ERBB4: variants seen among roughly 807,000 people sequenced by gnomAD.
ERBB4 encodes receptor tyrosine-protein kinase erbB-4.
Under a neutral mutation model 158.0 loss-of-function variants are expected in ERBB4, and 42 were observed. The observed-to-expected ratio is 0.27, with a 90% CI of 0.21 to 0.34. The LOEUF is 0.34. Ranked by LOEUF, ERBB4 falls within the 10% of genes least tolerant of loss-of-function variation. The pLI, the probability that ERBB4 is intolerant of heterozygous loss-of-function variation, is 1.00. For synonymous variants in ERBB4, 583 were observed against 558.7 expected (o/e 1.04, Z -0.61); for missense variants, 1,333 against 1,624.1 (o/e 0.82, Z 3.08).
At chr2:211,453,159 A>T (rs2064291528) in intron 20 of ERBB4, among the ~76,000 whole-genome samples, 1 of 152,238 alleles carries the variant, frequency 6.6e-6, no homozygotes, top group Non-Finnish European at 1.5e-5. Flanking sequence ...TAATGCTTTC[A>T]GCAATGAAAT....
At chr2:211,395,217 T>G (rs1300927527) in intron 25 of ERBB4, among the ~76,000 whole-genome samples, 1 of 152,126 alleles carries the variant, frequency 6.6e-6, no homozygotes, top group Non-Finnish European at 1.5e-5. Flanking sequence ...CAGTATATGA[T>G]TGTATGTTTT....
intron 25 of ERBB4, among the ~76,000 whole-genome samples, chr2:211,392,946 C>T (rs1003231662): frequency 5.9e-5 from 9 of 152,108 alleles, no homozygotes; most frequent in Non-Finnish European, 8.8e-5. Context: ...TGAGCCACCG[C>T]GCCCGGCTGG....
At position 211,831,852 on chromosome 2, in the gene ERBB4, G is replaced by A. The variant is rs1019210038; in HGVS notation, c.422-43693C>T. Among the ~76,000 whole-genome samples the A allele has an allele frequency of 5.3e-5, 8 of 152,038 alleles. No homozygotes were observed. The South Asian group carries it at 1.0e-3, about 20-fold the overall frequency. On this transcript the variant is annotated intron_variant, in intron 3 of 27. Coordinates refer to ENST00000342788, the MANE Select transcript of ERBB4 (RefSeq NM_005235.3). The stretch of plus-strand genomic sequence containing the variant: ...TGGGAGGCAGAGGTTGCAGTGAGCC[G>A]AGGTCGCGCCATTGCACTCCAACCT...
intron 1 of ERBB4, among the ~76,000 whole-genome samples, chr2:212,227,990 G>A (rs2083531945): frequency 6.6e-6 from 1 of 152,092 alleles, no homozygotes; most frequent in African/African-American, 2.4e-5. Context: ...GAGCTTAAAG[G>A]GCATGTCGCA....
intron 2 of ERBB4, among the ~76,000 whole-genome samples, chr2:212,069,021 T>C (rs1390118579): frequency 1.3e-5 from 2 of 152,082 alleles, no homozygotes; most frequent in East Asian, 3.9e-4. Context: ...CACTTTGCTC[T>C]TTCTTCATCT....
At chr2:212,060,977 A>ATAAAT (rs1252408293) in intron 2 of ERBB4, among the ~76,000 whole-genome samples, 2 of 151,110 alleles carry the variant, frequency 1.3e-5, no homozygotes, top group African/African-American at 4.9e-5. Context: ...AAATAAATAA[A>ATAAAT]TAAATAAATA....
chr2:211,973,845 T>C (rs12621051), intron 2 of ERBB4, among the ~76,000 whole-genome samples: 37,241 of 151,918 alleles, frequency 0.25, 4,850 homozygotes, highest in East Asian at 0.39. Flanking sequence ...TGCCCATCAA[T>C]AATAGACTGG....
At chr2:212,377,103 C>A (rs1326978534) in intron 1 of ERBB4, among the ~76,000 whole-genome samples, 1 of 151,350 alleles carries the variant, frequency 6.6e-6, no homozygotes, top group Non-Finnish European at 1.5e-5. Flanking sequence ...CTGCTTAAGG[C>A]ACCTTGTAAT....
chr2:211,578,166 A>G (rs545740776), intron 19 of ERBB4, among the ~76,000 whole-genome samples: 2 of 152,266 alleles, frequency 1.3e-5, no homozygotes, highest in East Asian at 3.9e-4. Context: ...ACAACAGGCA[A>G]GCAGAGAGCC....
intron 1 of ERBB4, among the ~76,000 whole-genome samples, chr2:212,243,800 C>G (rs1166112356): frequency 6.6e-6 from 1 of 151,878 alleles, no homozygotes. Flanking sequence ...GCCAGATTCC[C>G]CAATTCAAAC....
At chr2:212,386,008 A>G (rs2090661192) in intron 1 of ERBB4, among the ~76,000 whole-genome samples, 1 of 151,788 alleles carries the variant, frequency 6.6e-6, no homozygotes, top group African/African-American at 2.4e-5. Context: ...TAAGACAATC[A>G]GTCTCTATCT....
intron 4 of ERBB4, among the ~76,000 whole-genome samples, chr2:211,773,629 T>TATATATATATATATA (rs2075785090): frequency 5.9e-5 from 3 of 51,078 alleles, no homozygotes; most frequent in Non-Finnish European, 1.2e-4. Context: ...TATATATATA[T>TATATATATATATATA]ATATATATAT....
intron 1 of ERBB4, among the ~76,000 whole-genome samples, chr2:212,313,601 C>A (rs969481818): frequency 1.3e-5 from 2 of 150,852 alleles, no homozygotes; most frequent in South Asian, 2.1e-4. Flanking sequence ...TAATTCAATG[C>A]TATGCTCGTC....
intron 20 of ERBB4, among the ~76,000 whole-genome samples, chr2:211,460,765 A>T (rs1475633336): frequency 1.3e-5 from 2 of 152,176 alleles, no homozygotes; most frequent in African/African-American, 4.8e-5. Context: ...ATTAAAAAAA[A>T]ATCAATGTTT....
At chr2:212,354,505 A>G (rs1303212666) in intron 1 of ERBB4, among the ~76,000 whole-genome samples, 3 of 152,198 alleles carry the variant, frequency 2.0e-5, no homozygotes, top group Non-Finnish European at 2.9e-5. Context: ...AGGTGTACAC[A>G]TAAAGTCCAT....
intron 3 of ERBB4, among the ~76,000 whole-genome samples, chr2:211,839,152 AAGG>A (rs71409858): frequency 0.2 from 22,387 of 109,360 alleles, 2,643 homozygotes; most frequent in East Asian, 0.32. Flanking sequence ...GGAGAGAGAG[AAGG>A]AGGAGGAGGA....
intron 20 of ERBB4, among the ~76,000 whole-genome samples, chr2:211,433,861 C>T (rs902768352): frequency 1.3e-5 from 2 of 152,086 alleles, no homozygotes; most frequent in African/African-American, 2.4e-5. Context: ...AAGGGCAATC[C>T]GACCCCATTT....
At chr2:212,032,476 T>G (rs1024793790) in intron 2 of ERBB4, among the ~76,000 whole-genome samples, 2 of 152,088 alleles carry the variant, frequency 1.3e-5, no homozygotes, top group Non-Finnish European at 2.9e-5. Flanking sequence ...AATGCATGGC[T>G]TCATAGTTTT....
chr2:212,301,648 T>C (rs1006550133), intron 1 of ERBB4, among the ~76,000 whole-genome samples: 3 of 146,338 alleles, frequency 2.1e-5, no homozygotes, highest in Admixed American at 1.3e-4. Context: ...TCAGTACTGA[T>C]GCATATGGAT....
Sources: gnomAD v4.1 joint callset for allele counts (sites outside exome capture counted in the v4.1 genomes callset) on GRCh38, gnomAD v4.1.1 for gene constraint, MANE v1.5 for transcripts, NCBI Gene and HGNC (gene_info 2026-07-23, HGNC 2026-07-21) for gene names.